The following SOS1 variants were observed in gnomAD, a reference collection of about 807,000 sequenced individuals.
SOS1 encodes the protein son of sevenless homolog 1.
In SOS1, 25 loss-of-function variants were observed where a neutral mutation model predicts 157.6. That is an observed-to-expected ratio of 0.16 (90% confidence interval 0.12 to 0.22). The LOEUF is 0.22. Ranked by LOEUF, SOS1 falls within the 10% of genes least tolerant of loss-of-function variation. SOS1 has a pLI of 1.00. For missense variants in SOS1, 1,237 were observed against 1,599.1 expected (o/e 0.77, Z 3.86); for synonymous variants, 528 against 534.0 (o/e 0.99, Z 0.16).
intron 6 of SOS1, among the ~76,000 whole-genome samples, chr2:39,042,198 C>A (rs1670595068): frequency 6.6e-6 from 1 of 152,030 alleles, no homozygotes; most frequent in African/African-American, 2.4e-5. Flanking sequence ...AAGAACAAGT[C>A]CCCTCAACTT....
chr2:39,029,708 T>C (rs1670091272), intron 8 of SOS1, among the ~76,000 whole-genome samples: 1 of 152,212 alleles, frequency 6.6e-6, no homozygotes, highest in Non-Finnish European at 1.5e-5. Flanking sequence ...AATAGTTAGC[T>C]GTTTGTTTAC....
At position 39,001,441 on chromosome 2, in the gene SOS1, T is replaced by C. The variant is rs72799434; in HGVS notation, c.2792-4016A>G. ...TAGTTTATGGAGAAAAACTGTGTTATAGACCTGAAACATCTGGCAGAGCTT... is the reference window on the plus strand; with the variant it reads ...TAGTTTATGGAGAAAAACTGTGTTACAGACCTGAAACATCTGGCAGAGCTT... On this transcript the variant is annotated intron_variant, in intron 17 of 22. Transcript: ENST00000402219. 4.9e-4 allele frequency among the ~76,000 whole-genome samples: 74 copies of C among 152,338 alleles called. 1 individual carries two copies. The highest frequency in any genetic ancestry group is 3.4e-3 in the Middle Eastern group (1 of 294).
At chr2:39,043,624 C>T (rs1173143906) in intron 6 of SOS1, among the ~76,000 whole-genome samples, 1 of 152,204 alleles carries the variant, frequency 6.6e-6, no homozygotes, top group Non-Finnish European at 1.5e-5. Context: ...AAGGTCAAGA[C>T]AGGCAGGTGC....
intron 10 of SOS1, among the ~76,000 whole-genome samples, chr2:39,017,584 A>T (rs1186358745): frequency 6.6e-6 from 1 of 152,040 alleles, no homozygotes; most frequent in Non-Finnish European, 1.5e-5. Context: ...AATTAAGAGT[A>T]GTCTTGCCAA....
Position 39,054,720 on chromosome 2 carries a change from A to G in SOS1, c.614T>C (p.Val205Ala). Residue 205 changes from valine to alanine, a missense_variant, in exon 5 of 23, where the codon GTA becomes GCA. Physicochemically the swap from Val to Ala is moderately conservative, Grantham distance 64 (BLOSUM62 0). This residue lies in a region of SOS1 where 108 missense variants were observed against 115.3 expected (regional missense o/e 0.94). Transcript: ENST00000402219. Reference sequence around the variant, plus strand: ...TCGAATTTCTGCCATAAATGCTTTTACCAAATCATAGTAAGTTTGTTCTCC... The same window carrying G: ...TCGAATTTCTGCCATAAATGCTTTTGCCAAATCATAGTAAGTTTGTTCTCC... Reference protein sequence around the residue: ...TSGEQTYYDLVKAFMAEIRQY... With the variant: ...TSGEQTYYDLAKAFMAEIRQY... 1 of 1,595,792 alleles carries G rather than the reference A, an allele frequency of 6.3e-7. No homozygotes were observed.
chr2:39,117,569 GTTAA>G (rs1159901693), intron 1 of SOS1, among the ~76,000 whole-genome samples: 1 of 152,216 alleles, frequency 6.6e-6, no homozygotes, highest in Non-Finnish European at 1.5e-5. Flanking sequence ...ATCAATTGCT[GTTAA>G]TTCTATGCTA....
At chr2:39,099,153 G>T (rs548460874) in intron 1 of SOS1, among the ~76,000 whole-genome samples, 1 of 152,292 alleles carries the variant, frequency 6.6e-6, no homozygotes, top group South Asian at 2.1e-4. Flanking sequence ...TAGTGGGAAT[G>T]AAAATATGCA....
intron 9 of SOS1, 28 bp downstream of exon 9, chr2:39,023,982 G>T (rs1179888900): frequency 6.5e-7 from 1 of 1,531,654 alleles, no homozygotes; most frequent in Admixed American, 1.7e-5. Flanking sequence ...AGGGAAAAAA[G>T]GATATTTTAA....
At chr2:39,078,593 T>A (rs1284094363) in intron 1 of SOS1, among the ~76,000 whole-genome samples, 1 of 152,146 alleles carries the variant, frequency 6.6e-6, no homozygotes, top group Non-Finnish European at 1.5e-5. Flanking sequence ...GAGCATTAGA[T>A]TCTCATTGTC....
At chr2:39,010,502 A>C (rs1572819681) in intron 15 of SOS1, 82 bp downstream of exon 15, 1 of 1,361,126 alleles carries the variant, frequency 7.3e-7, no homozygotes, top group East Asian at 2.3e-5. Context: ...ACTCCGTCTC[A>C]AAAAAAACAA....
intron 18 of SOS1, 89 bp downstream of exon 18, chr2:38,997,164 C>G (rs1668922802): frequency 8.6e-7 from 1 of 1,165,922 alleles, no homozygotes; most frequent in Non-Finnish European, 1.3e-6. Flanking sequence ...GTTTATTTTA[C>G]TTTTTCTCCC....
At chr2:39,071,371 A>G (rs972941233) in intron 1 of SOS1, among the ~76,000 whole-genome samples, 4 of 152,202 alleles carry the variant, frequency 2.6e-5, no homozygotes, top group Non-Finnish European at 5.9e-5. Flanking sequence ...GGGCTTCCAT[A>G]TAAAACTTGG....
intron 2 of SOS1, among the ~76,000 whole-genome samples, chr2:39,066,546 G>T (rs1434955759): frequency 6.6e-6 from 1 of 152,150 alleles, no homozygotes; most frequent in African/African-American, 2.4e-5. Flanking sequence ...TTTCTTGGAA[G>T]CTATCCCAAA....
chr2:38,995,092 A>T, intron 20 of SOS1, 31 bp downstream of exon 20: 1 of 1,597,046 alleles, frequency 6.3e-7, no homozygotes, highest in Non-Finnish European at 8.6e-7. Context: ...ACTAACAAAT[A>T]CCTTAATGCA....
At chr2:38,986,463 T>TA (rs1256377337) in intron 22 of SOS1, 148 bp from the exon 23 acceptor site, 36 of 800,486 alleles carry the variant, frequency 4.5e-5, no homozygotes, top group South Asian at 8.0e-5. Context: ...TCTTTTTAAT[T>TA]AAAAAAAAAT....
chr2:39,026,817 T>C lies in SOS1; in HGVS notation c.1075-2680A>G, dbSNP rs530896576. ...GGGCCAAACTGGAAGAATTATTATC[T>C]TGGGCCACACATAAAATATACTAAC... On this transcript the variant is annotated intron_variant, in intron 8 of 22. Coordinates refer to ENST00000402219, the MANE Select transcript of SOS1 (RefSeq NM_005633.4). 4.6e-5 allele frequency among the ~76,000 whole-genome samples: 7 copies of C among 152,322 alleles called. No homozygotes were observed. In the South Asian group the frequency reaches 1.2e-3, roughly 27 times the overall value.
rs373319212 is a variant in SOS1, at chr2:38,989,304, G to A, written c.3357C>T (p.Thr1119=). The A allele has an allele frequency of 6.5e-5, 105 of 1,604,444 alleles. No individual in the cohort carries two copies. The highest frequency in any genetic ancestry group is 8.1e-5 in the Non-Finnish European group (95 of 1,171,858). ...GGGGCAGAGTAACTTGGATAAAGAC[G>A]GTATCATTGCCTGTGAAAGGAAACA... The part of the protein sequence containing the change: ...HSSPFHSSND[T]VFIQVTLPHG... The change falls in exon 21 of 23, where the codon ACC becomes ACT. Residue 1119 remains threonine (T), a synonymous_variant. Transcript: ENST00000402219.
rs551826446 is a variant in SOS1, at chr2:38,988,437, T to TAAAA, written c.3391+829_3391+832dup. ...TTAAGTTAGTTGTTTATACCTACTA[T>TAAAA]AAAAAAAGATGTGAAAAAAATACTT... On this transcript the variant is annotated intron_variant, in intron 21 of 22. Transcript: ENST00000402219. 7.9e-5 allele frequency among the ~76,000 whole-genome samples: 12 copies of TAAAA among 152,180 alleles called. No individual in the cohort carries two copies. In the South Asian group the frequency reaches 2.5e-3, roughly 32 times the overall value.
chr2:39,007,425 A>G (rs1558466388), intron 15 of SOS1: 1 of 508,202 alleles, frequency 2.0e-6, no homozygotes, highest in Admixed American at 3.3e-5. Context: ...TTTTCCTACT[A>G]TATTTGGTGC....
Sources: allele counts gnomAD v4.1 joint callset (sites outside exome capture counted in the v4.1 genomes callset), GRCh38; gene constraint gnomAD v4.1.1; regional missense constraint gnomAD v4.1.1; transcripts MANE v1.5; gene names NCBI Gene and HGNC (gene_info 2026-07-23, HGNC 2026-07-21).